SLC71A2: variants seen among roughly 807,000 people sequenced by gnomAD.
SLC71A2 encodes the protein hippocampus abundant transcript-like 1.
At chr9:94,453,849 G>A in the SLC71A2 span, 10 of 728,892 alleles carry the variant, frequency 1.4e-5, no homozygotes, top group Non-Finnish European at 2.2e-5. Context: ...GTCAGGCAGT[G>A]TGCCCTTAGA....
the SLC71A2 span, among the ~76,000 whole-genome samples, chr9:94,427,575 C>T: frequency 8.7e-6 from 1 of 115,116 alleles, no homozygotes; most frequent in African/African-American, 4.0e-5. Context: ...TAGCAGTGGT[C>T]TGAGGTTGAG....
At chr9:94,453,531 C>T in the SLC71A2 span, among the ~76,000 whole-genome samples, 1 of 152,178 alleles carries the variant, frequency 6.6e-6, no homozygotes, top group East Asian at 1.9e-4. Context: ...TAAAATCAAA[C>T]TTACATCCCA....
the SLC71A2 span, among the ~76,000 whole-genome samples, chr9:94,417,341 C>T: frequency 6.6e-6 from 1 of 152,054 alleles, no homozygotes; most frequent in Non-Finnish European, 1.5e-5. Flanking sequence ...AAAAATGAAA[C>T]TTTAGGCCGG....
At chr9:94,436,041 GTCT>G in the SLC71A2 span, among the ~76,000 whole-genome samples, 1 of 152,118 alleles carries the variant, frequency 6.6e-6, no homozygotes, top group African/African-American at 2.4e-5. Flanking sequence ...CTCATTCTCA[GTCT>G]TCTTATACTC....
chr9:94,427,396 A>G, the SLC71A2 span, among the ~76,000 whole-genome samples: 2 of 152,022 alleles, frequency 1.3e-5, no homozygotes, highest in Non-Finnish European at 2.9e-5. Context: ...ATGGGCCCAT[A>G]TGGTCAGAAA....
At chr9:94,430,806 A>G in the SLC71A2 span, among the ~76,000 whole-genome samples, 1 of 152,208 alleles carries the variant, frequency 6.6e-6, no homozygotes, top group Non-Finnish European at 1.5e-5. Context: ...TTCAGCCTCA[A>G]AGAGTATGTG....
chr9:94,412,164 G>A, the SLC71A2 span, among the ~76,000 whole-genome samples: 11 of 152,168 alleles, frequency 7.2e-5, no homozygotes, highest in Non-Finnish European at 1.5e-4. Flanking sequence ...AATTTTGCAT[G>A]TTTCTTAATA....
the SLC71A2 span, among the ~76,000 whole-genome samples, chr9:94,452,053 C>A: frequency 6.6e-6 from 1 of 152,186 alleles, no homozygotes; most frequent in Non-Finnish European, 1.5e-5. Context: ...AACTTTGATA[C>A]AACTTTCCCT....
the SLC71A2 span, among the ~76,000 whole-genome samples, chr9:94,399,621 T>C: frequency 1.1e-4 from 16 of 152,262 alleles, no homozygotes; most frequent in East Asian, 3.1e-3. Context: ...TGCCATCCAG[T>C]TTATTTAATT....
chr9:94,434,954 A>G, the SLC71A2 span, among the ~76,000 whole-genome samples: 1 of 152,278 alleles, frequency 6.6e-6, no homozygotes, highest in African/African-American at 2.4e-5. Context: ...CCTAGTATTC[A>G]ACCACTACCT....
chr9:94,459,057 G>A, the SLC71A2 span: 1 of 1,194,682 alleles, frequency 8.4e-7, no homozygotes. Flanking sequence ...ATGAGAATAT[G>A]ATTCACTTTT....
At chr9:94,429,461 G>A in the SLC71A2 span, among the ~76,000 whole-genome samples, 1 of 152,020 alleles carries the variant, frequency 6.6e-6, no homozygotes, top group Non-Finnish European at 1.5e-5. Flanking sequence ...ATAGCAGTGT[G>A]AATACTCTAT....
At chr9:94,413,437 G>C in the SLC71A2 span, among the ~76,000 whole-genome samples, 13 of 152,074 alleles carry the variant, frequency 8.5e-5, no homozygotes, top group Non-Finnish European at 2.9e-5. Flanking sequence ...AATTTAAAAA[G>C]TTAATTGCAG....
At chr9:94,448,610 C>T in the SLC71A2 span, among the ~76,000 whole-genome samples, 29,230 of 152,114 alleles carry the variant, frequency 0.19, 2,995 homozygotes, top group Middle Eastern at 0.28. Flanking sequence ...TAATATTTTA[C>T]GTGGTGGCAT....
At chr9:94,459,330 A>C in the SLC71A2 span, 124 of 1,614,128 alleles carry the variant, frequency 7.7e-5, 1 homozygote, top group South Asian at 1.3e-3. Context: ...AGTGATGAGG[A>C]CATTGAGCCA....
At chr9:94,378,069 A>G in the SLC71A2 span, among the ~76,000 whole-genome samples, 1 of 142,170 alleles carries the variant, frequency 7.0e-6, no homozygotes, top group Non-Finnish European at 1.5e-5. Context: ...GTGCCACTGC[A>G]CTCCAGCCTG....
the SLC71A2 span, among the ~76,000 whole-genome samples, chr9:94,448,702 G>A: frequency 6.6e-6 from 1 of 152,260 alleles, no homozygotes; most frequent in East Asian, 1.9e-4. Context: ...GCGTGATCTT[G>A]GCTCGCTGCA....
At chr9:94,375,081 G>C in the SLC71A2 span, among the ~76,000 whole-genome samples, 2 of 152,118 alleles carry the variant, frequency 1.3e-5, no homozygotes, top group Admixed American at 1.3e-4. Context: ...CACGAATACA[G>C]GTTTTTCCTA....
the SLC71A2 span, among the ~76,000 whole-genome samples, chr9:94,454,539 G>A: frequency 2.0e-5 from 3 of 151,644 alleles, no homozygotes; most frequent in Non-Finnish European, 4.4e-5. Context: ...GCTAATTTTT[G>A]TATTTTTAGT....
Sources: allele counts gnomAD v4.1 joint callset (sites outside exome capture counted in the v4.1 genomes callset), GRCh38; gene constraint gnomAD v4.1.1; transcripts MANE v1.5; gene names NCBI Gene and HGNC (gene_info 2026-07-23, HGNC 2026-07-21).